The following ARHGAP23 variants were observed in gnomAD, a reference collection of about 807,000 sequenced individuals.
ARHGAP23 encodes the protein Rho GTPase activating protein 23.
ARHGAP23 carries 34 observed loss-of-function variants against 136.3 expected under a neutral mutation model. The ratio of observed to expected loss-of-function variants is 0.25; its 90% CI spans 0.19 to 0.33. The LOEUF (loss-of-function observed/expected upper bound fraction) is 0.33, where lower values mean the gene tolerates loss of function less well. Among genes scored for constraint, ARHGAP23 ranks in the 10% least tolerant of loss-of-function variants. The probability of loss-of-function intolerance (pLI) is 1.00; values close to 1 mark genes in which losing one functional copy is unlikely to be tolerated. For synonymous variants in ARHGAP23, 832 were observed against 920.5 expected (o/e 0.90, Z 1.74); for missense variants, 1,808 against 2,139.0 (o/e 0.85, Z 3.05).
chr17:38,433,857 G>T (rs2038735583), intron 1 of ARHGAP23, among the ~76,000 whole-genome samples: 1 of 152,322 alleles, frequency 6.6e-6, no homozygotes, highest in South Asian at 2.1e-4. Flanking sequence ...GGGCTTGGTG[G>T]CCGAGGGACA....
At chr17:38,490,033 G>C (rs2040238657) in intron 17 of ARHGAP23, 69 bp from the exon 18 acceptor site, 4 of 1,453,730 alleles carry the variant, frequency 2.8e-6, no homozygotes, top group Non-Finnish European at 3.8e-6. Context: ...CTCCCAGCAG[G>C]GCCCTTGGCC....
intron 1 of ARHGAP23, among the ~76,000 whole-genome samples, chr17:38,453,282 GGTGA>G (rs1206168972): frequency 1.3e-5 from 2 of 151,960 alleles, no homozygotes; most frequent in African/African-American, 4.8e-5. Context: ...GTCCACATAG[GGTGA>G]GTGTGTGTGG....
chr17:38,498,933 G>A (rs763667286), intron 22 of ARHGAP23: 10 of 540,580 alleles, frequency 1.8e-5, no homozygotes, highest in Non-Finnish European at 2.7e-5. Flanking sequence ...CTCCTCCAGC[G>A]GACCTGTTGG....
At chr17:38,485,918 C>T in intron 16 of ARHGAP23, 144 bp from the exon 17 acceptor site, 1 of 704,574 alleles carries the variant, frequency 1.4e-6, no homozygotes, top group East Asian at 2.8e-5. Flanking sequence ...GTTCTGCTGC[C>T]ACCATCCTGA....
At chr17:38,502,497 G>A (rs1226526988) in intron 23 of ARHGAP23, among the ~76,000 whole-genome samples, 1 of 152,136 alleles carries the variant, frequency 6.6e-6, no homozygotes, top group African/African-American at 2.4e-5. Flanking sequence ...TATAAATAAT[G>A]AGCCAAACAG....
chr17:38,453,682 G>T (rs1034908702), intron 1 of ARHGAP23: 1 of 150,442 alleles, frequency 6.6e-6, no homozygotes, highest in Non-Finnish European at 1.5e-5. Flanking sequence ...GCGTGTCGGG[G>T]CTCGGGCGCC....
chr17:38,511,175 G>C lies in ARHGAP23; in HGVS notation c.*203G>C, dbSNP rs2040757821. The C allele has an allele frequency of 3.6e-6, 2 of 561,966 alleles. No individual in the cohort carries two copies. The highest frequency in any genetic ancestry group is 4.0e-5 in the African/African-American group (2 of 50,038). The allele number at this position is 561,966 out of a possible 1,614,324, so 34.8% of individuals were successfully genotyped here. On this transcript the variant is annotated 3_prime_UTR_variant, in exon 24 of 24. Transcript: ENST00000622683. ...GGGGCCGGACTAATTGAATGGAAGG[G>C]GGTTCCAGAGGTGATGAGCAGAAGA...
rs1264929324 is a variant in ARHGAP23, at chr17:38,479,733, T to C, written c.2499-20T>C. 4.1e-6 allele frequency: 6 copies of C among 1,465,672 alleles called. No homozygotes were observed. Among genetic ancestry groups the C allele is most frequent in the Non-Finnish European group, 4.5e-6 (5 of 1,107,678 alleles). The allele number at this position is 1,465,672 out of a possible 1,614,324, so 90.8% of individuals were successfully genotyped here. On this transcript the variant is annotated intron_variant, in intron 13 of 23. Coordinates refer to ENST00000622683, the MANE Select transcript of ARHGAP23 (RefSeq NM_001199417.2). ...CCACCCCAAATGAAGACCTCTCCTCTCCCCCTTTTTCCTACACAGCCATAG... is the reference window on the plus strand; with the variant it reads ...CCACCCCAAATGAAGACCTCTCCTCCCCCCCTTTTTCCTACACAGCCATAG...
At position 38,498,404 on chromosome 17, in the gene ARHGAP23, C is replaced by T. The variant is rs1161430028; in HGVS notation, c.3319-10C>T. On this transcript the variant is annotated splice_polypyrimidine_tract_variant and intron_variant, in intron 21 of 23. Coordinates refer to ENST00000622683, the MANE Select transcript of ARHGAP23 (RefSeq NM_001199417.2). ...AGGGCATGCCAGCTGACCCCTCCTC[C>T]TGTTCGCAGACCCCTGTGGGCGACA... The T allele has an allele frequency of 6.5e-7, 1 of 1,543,516 alleles. No individual in the cohort carries two copies. Among genetic ancestry groups the T allele is most frequent in the African/African-American group, 1.4e-5 (1 of 72,734 alleles).
intron 23 of ARHGAP23, among the ~76,000 whole-genome samples, chr17:38,509,684 G>C (rs1011105300): frequency 6.6e-6 from 1 of 152,228 alleles, no homozygotes; most frequent in Non-Finnish European, 1.5e-5. Context: ...ACGGAAAACA[G>C]AATGGAAGGG....
intron 20 of ARHGAP23, chr17:38,491,885 G>C (rs973050528): frequency 2.3e-4 from 69 of 301,376 alleles, no homozygotes; most frequent in South Asian, 1.9e-3. Flanking sequence ...CCCTGGAGAG[G>C]TGTCCTGGCA....
At chr17:38,441,198 TC>T (rs937751753) in intron 1 of ARHGAP23, among the ~76,000 whole-genome samples, 1 of 152,222 alleles carries the variant, frequency 6.6e-6, no homozygotes, top group African/African-American at 2.4e-5. Context: ...CCTTGCTCTG[TC>T]CCCAAGTGTG....
chr17:38,462,145 G>A (rs1487511269), intron 3 of ARHGAP23, among the ~76,000 whole-genome samples: 3 of 151,394 alleles, frequency 2.0e-5, no homozygotes, highest in East Asian at 3.9e-4. Flanking sequence ...GTAGAGACAG[G>A]GTTTCACCAT....
At position 38,458,127 on chromosome 17, in the gene ARHGAP23, G is replaced by T. The variant is rs1414000063; in HGVS notation, c.89G>T (p.Cys30Phe). Reference sequence around the variant, plus strand: ...CTGCCACTGGGCCCAAGAGATGGGTGCTCTCCTAGGCGCCCCTTCCCCTGG... The same window carrying T: ...CTGCCACTGGGCCCAAGAGATGGGTTCTCTCCTAGGCGCCCCTTCCCCTGG... The part of the protein sequence containing the change: ...PQLPLGPRDG[C>F]SPRRPFPWQG... The change falls in exon 2 of 24, where the codon TGC (cysteine) becomes TTC (phenylalanine). Residue 30 changes from cysteine to phenylalanine, a missense_variant. Cys to Phe is a radical substitution (Grantham distance 205). Transcript: ENST00000622683. 8.5e-6 allele frequency: 13 copies of T among 1,536,006 alleles called. No individual in the cohort carries two copies. Among genetic ancestry groups the T allele is most frequent in the African/African-American group, 1.4e-5 (1 of 73,046 alleles).
At chr17:38,463,439 C>T (rs2039508994) in intron 6 of ARHGAP23, 57 bp downstream of exon 6, 3 of 1,535,008 alleles carry the variant, frequency 2.0e-6, no homozygotes, top group Non-Finnish European at 2.6e-6. Context: ...GCAGCACCGG[C>T]TCCCCTGGGA....
chr17:38,463,461 A>G, intron 6 of ARHGAP23, 79 bp downstream of exon 6: 7 of 1,510,348 alleles, frequency 4.6e-6, no homozygotes, highest in Middle Eastern at 3.5e-4. Flanking sequence ...GCAGAGAAGG[A>G]AGTGTTTGGA....
At chr17:38,422,230 A>G (rs2038526995) in intron 1 of ARHGAP23, among the ~76,000 whole-genome samples, 1 of 152,210 alleles carries the variant, frequency 6.6e-6, no homozygotes, top group Admixed American at 6.5e-5. Context: ...TCATTTACAT[A>G]GCGGGGCTAA....
intron 23 of ARHGAP23, among the ~76,000 whole-genome samples, chr17:38,509,115 A>G (rs1458262302): frequency 6.6e-6 from 1 of 151,878 alleles, no homozygotes; most frequent in Non-Finnish European, 1.5e-5. Context: ...GATGAAAACC[A>G]GCTTCCAGAA....
rs73982713 is a variant in ARHGAP23 at position 38,441,544 on chromosome 17, G to T, written c.63+12996G>T. On this transcript the variant is annotated intron_variant, in intron 1 of 23. Coordinates refer to ENST00000622683, the MANE Select transcript of ARHGAP23 (RefSeq NM_001199417.2). ...CACATAAGGAAACTGAGGCCCCAGAGAGGGCGGGGACTGGAGGGAGAAACC... is the reference window on the plus strand; with the variant it reads ...CACATAAGGAAACTGAGGCCCCAGATAGGGCGGGGACTGGAGGGAGAAACC... Among the ~76,000 whole-genome samples, 90 of 152,350 alleles carry T rather than the reference G, an allele frequency of 5.9e-4. 1 individual carries two copies. The highest frequency in any genetic ancestry group is 2.2e-3 in the African/African-American group (90 of 41,584).
Sources: allele counts gnomAD v4.1 joint callset (sites outside exome capture counted in the v4.1 genomes callset), GRCh38; gene constraint gnomAD v4.1.1; transcripts MANE v1.5; gene names NCBI Gene and HGNC (gene_info 2026-07-23, HGNC 2026-07-21).